KCNN2: variants seen among roughly 807,000 people sequenced by gnomAD.
KCNN2 encodes the protein small conductance calcium-activated potassium channel protein 2.
A neutral mutation model predicts 55.5 loss-of-function variants in KCNN2; 24 were observed. The observed-to-expected ratio is 0.43, with a 90% CI of 0.31 to 0.61. The LOEUF (loss-of-function observed/expected upper bound fraction) is 0.61. Ranked by LOEUF, KCNN2 falls within the 20% of genes least tolerant of loss-of-function variation. The pLI is 0.08. For synonymous variants in KCNN2, 431 were observed against 336.1 expected (o/e 1.28, Z -3.09); for missense variants, 754 against 853.6 (o/e 0.88, Z 1.45).
chr5:114,453,501 G>A (rs1274268546), intron 3 of KCNN2, among the ~76,000 whole-genome samples: 2 of 151,900 alleles, frequency 1.3e-5, no homozygotes, highest in African/African-American at 2.4e-5. Flanking sequence ...TTCTTATTTC[G>A]TATACATATT....
chr5:114,444,756 G>A (rs181995594), intron 3 of KCNN2, among the ~76,000 whole-genome samples: 2 of 152,252 alleles, frequency 1.3e-5, no homozygotes, highest in African/African-American at 2.4e-5. Context: ...CACCATTTGG[G>A]TGTCTGGGTA....
At chr5:114,162,270 C>T (rs1284733689) in intron 1 of KCNN2, among the ~76,000 whole-genome samples, 1 of 152,200 alleles carries the variant, frequency 6.6e-6, no homozygotes, top group Non-Finnish European at 1.5e-5. Flanking sequence ...AGGTCCACTC[C>T]AGACCCTGTT....
intron 2 of KCNN2, among the ~76,000 whole-genome samples, chr5:114,264,658 A>G (rs1755173586): frequency 6.6e-6 from 1 of 152,204 alleles, no homozygotes; most frequent in South Asian, 2.1e-4. Context: ...AGAGTTGCCA[A>G]CTGCAAAGAG....
intron 3 of KCNN2, among the ~76,000 whole-genome samples, chr5:114,445,258 A>C (rs1471851722): frequency 1.3e-5 from 2 of 152,218 alleles, no homozygotes; most frequent in Non-Finnish European, 2.9e-5. Flanking sequence ...AATTGGATCA[A>C]ATAAATCTTT....
chr5:114,495,458 T>C (rs1186570540), intron 7 of KCNN2, among the ~76,000 whole-genome samples: 1 of 152,234 alleles, frequency 6.6e-6, no homozygotes, highest in Non-Finnish European at 1.5e-5. Flanking sequence ...ATCTGTATTA[T>C]TATTTATCCC....
intron 2 of KCNN2, among the ~76,000 whole-genome samples, chr5:114,375,813 A>G (rs1325503833): frequency 6.6e-6 from 1 of 151,868 alleles, no homozygotes; most frequent in Non-Finnish European, 1.5e-5. Context: ...GAAATCTCCA[A>G]TATGCTTATT....
chr5:114,062,368 G>A (rs1750351113), intron 1 of KCNN2, among the ~76,000 whole-genome samples: 2 of 152,172 alleles, frequency 1.3e-5, no homozygotes, highest in South Asian at 2.1e-4. Flanking sequence ...AGTACTGAAA[G>A]AGCACCCTAC....
At chr5:114,132,058 A>C (rs1752082649) in intron 1 of KCNN2, among the ~76,000 whole-genome samples, 1 of 152,072 alleles carries the variant, frequency 6.6e-6, no homozygotes, top group Non-Finnish European at 1.5e-5. Flanking sequence ...GATTGCAAAA[A>C]ATTTTCTCCC....
rs566807925 is a variant in KCNN2, at chr5:114,144,718, A to C, written c.-270-76762A>C. Among the ~76,000 whole-genome samples, 3 of 151,428 alleles carry C rather than the reference A, an allele frequency of 2.0e-5. No homozygotes were observed. In the South Asian group the frequency reaches 6.3e-4, roughly 32 times the overall value. On this transcript the variant is annotated intron_variant, in intron 1 of 10. Transcript: ENST00000512097. ...TATGCATCTTTCCTACTAATAACATATATGGTGGTTTAACACAACTTTTAA... is the reference window on the plus strand; with the variant it reads ...TATGCATCTTTCCTACTAATAACATCTATGGTGGTTTAACACAACTTTTAA...
chr5:114,358,802 C>G (rs952622089), upstream of KCNN2, among the ~76,000 whole-genome samples: 1 of 152,122 alleles, frequency 6.6e-6, no homozygotes, highest in African/African-American at 2.4e-5. Flanking sequence ...TTACATGTAT[C>G]TCTACAGTCC....
intron 2 of KCNN2, among the ~76,000 whole-genome samples, chr5:114,337,014 A>T (rs1205049132): frequency 6.6e-6 from 1 of 152,100 alleles, no homozygotes; most frequent in Non-Finnish European, 1.5e-5. Flanking sequence ...ATATGATCTG[A>T]TTTTTGATAT....
Position 114,136,259 on chromosome 5 carries a change from G to C in KCNN2, c.-271+79759G>C, listed in dbSNP as rs932757030. 4.6e-5 allele frequency among the ~76,000 whole-genome samples: 7 copies of C among 152,288 alleles called. No individual in the cohort carries two copies. The South Asian group carries it at 6.2e-4, about 14-fold the overall frequency. Reference sequence around the variant, plus strand: ...ATGCTATTATCATGGGAGTGGGGTTGCTATATCTTGAGAGTGGGTGGTTAG... The same window carrying C: ...ATGCTATTATCATGGGAGTGGGGTTCCTATATCTTGAGAGTGGGTGGTTAG... On this transcript the variant is annotated intron_variant, in intron 1 of 10. Transcript: ENST00000512097.
intron 2 of KCNN2, among the ~76,000 whole-genome samples, chr5:114,272,821 A>G (rs996401293): frequency 4.6e-5 from 7 of 152,158 alleles, no homozygotes; most frequent in Admixed American, 2.0e-4. Context: ...CTAGTTAGGC[A>G]TCATATCAAC....
At chr5:114,096,520 G>A (rs1461851395) in intron 1 of KCNN2, among the ~76,000 whole-genome samples, 1 of 152,058 alleles carries the variant, frequency 6.6e-6, no homozygotes, top group African/African-American at 2.4e-5. Context: ...ATTCCATGTG[G>A]TATCATTCTC....
intron 3 of KCNN2, among the ~76,000 whole-genome samples, chr5:114,447,834 G>T (rs1301358273): frequency 2.0e-5 from 3 of 152,090 alleles, no homozygotes; most frequent in Non-Finnish European, 4.4e-5. Flanking sequence ...TTTCCTTTTT[G>T]CTTCTACAGG....
intron 4 of KCNN2, among the ~76,000 whole-genome samples, chr5:114,464,381 G>A (rs1259804829): frequency 1.3e-5 from 2 of 152,278 alleles, no homozygotes; most frequent in East Asian, 1.9e-4. Flanking sequence ...GGATGTGAAC[G>A]AGTACTGCAG....
rs1759369198 is a variant in KCNN2, at chr5:114,418,343, CT to C, written c.1637+13489del. Among the ~76,000 whole-genome samples the C allele has an allele frequency of 2.0e-5, 3 of 152,296 alleles. No individual in the cohort carries two copies. The South Asian group carries it at 6.2e-4, about 32-fold the overall frequency. ...TTGGTCTTGGAAAACTGAAGCCTTC[CT>C]TATGTGCTGGACTGACAGGAGGAGG... On this transcript the variant is annotated intron_variant, in intron 3 of 7. Transcript: ENST00000673685.
intron 1 of KCNN2, among the ~76,000 whole-genome samples, chr5:114,157,574 T>C (rs930847338): frequency 1.3e-5 from 2 of 152,166 alleles, no homozygotes; most frequent in Non-Finnish European, 2.9e-5. Context: ...CCCTGAGGAA[T>C]TGCCACACTG....
intron 2 of KCNN2, among the ~76,000 whole-genome samples, chr5:114,254,243 G>A (rs1440941537): frequency 1.3e-5 from 2 of 151,964 alleles, no homozygotes; most frequent in East Asian, 1.9e-4. Context: ...AATACACTCA[G>A]CATTTCTATT....
Sources: allele counts gnomAD v4.1 joint callset (sites outside exome capture counted in the v4.1 genomes callset), GRCh38; gene constraint gnomAD v4.1.1; transcripts MANE v1.5; gene names NCBI Gene and HGNC (gene_info 2026-07-23, HGNC 2026-07-21).